SLC16A12: variants seen among roughly 807,000 people sequenced by gnomAD.
SLC16A12 encodes monocarboxylate transporter 12.
SLC16A12 carries 17 observed loss-of-function variants against 42.4 expected under a neutral mutation model. That is an observed-to-expected ratio of 0.40 (90% CI 0.27 to 0.60). The LOEUF (loss-of-function observed/expected upper bound fraction) is 0.60. Ranked by LOEUF, SLC16A12 falls within the 20% of genes least tolerant of loss-of-function variation. SLC16A12 has a pLI of 0.42. For synonymous variants in SLC16A12, 224 were observed against 229.4 expected, an observed-to-expected ratio of 0.98 and a Z score of 0.21; for missense variants, 544 against 623.0, an observed-to-expected ratio of 0.87 and a Z score of 1.35.
intron 2 of SLC16A12, among the ~76,000 whole-genome samples, chr10:89,493,741 A>C (rs1369319719): frequency 6.6e-6 from 1 of 152,212 alleles, no homozygotes; most frequent in African/African-American, 2.4e-5. Flanking sequence ...AGTGTTTTAC[A>C]GGCCTAAACA....
chr10:89,513,955 A>G (rs1013630916), intron 2 of SLC16A12, among the ~76,000 whole-genome samples: 5 of 152,238 alleles, frequency 3.3e-5, no homozygotes. Context: ...TGGACCTGTT[A>G]GATGAACTGG....
upstream of SLC16A12, among the ~76,000 whole-genome samples, chr10:89,537,136 C>T (rs1389672999): frequency 2.1e-5 from 3 of 143,332 alleles, no homozygotes; most frequent in South Asian, 6.8e-4. Flanking sequence ...AGCAAGGCAC[C>T]GTAGGTATGT....
chr10:89,479,583 T>C (rs541288329), intron 2 of SLC16A12, among the ~76,000 whole-genome samples: 5 of 152,334 alleles, frequency 3.3e-5, no homozygotes, highest in South Asian at 2.1e-4. Flanking sequence ...TACCTCTAAA[T>C]TGGCTTAGAA....
At chr10:89,519,915 C>T (rs1843324851) in intron 2 of SLC16A12, among the ~76,000 whole-genome samples, 1 of 151,926 alleles carries the variant, frequency 6.6e-6, no homozygotes, top group African/African-American at 2.4e-5. Flanking sequence ...GAGTTCAAGA[C>T]CAGCCTGGCC....
chr10:89,486,643 GAAAGAAAGAAAGAAAGAAAGA>G (rs1431567511), intron 2 of SLC16A12, among the ~76,000 whole-genome samples: 483 of 47,954 alleles, frequency 0.01, 5 homozygotes, highest in East Asian at 0.068. Context: ...AAGAAAGAAA[GAAAGAAAGAAAGAAAGAAAGA>G]AAAGAAAGAA....
intron 3 of SLC16A12, among the ~76,000 whole-genome samples, chr10:89,461,936 G>A (rs1439051185): frequency 6.6e-6 from 1 of 152,210 alleles, no homozygotes; most frequent in Non-Finnish European, 1.5e-5. Flanking sequence ...AAGAGTGGAA[G>A]ATGAAGAGTG....
chr10:89,529,004 T>C (rs1281325021), intron 2 of SLC16A12, among the ~76,000 whole-genome samples: 1 of 152,260 alleles, frequency 6.6e-6, no homozygotes, highest in Admixed American at 6.5e-5. Context: ...GCTACCCCTA[T>C]TCATAACTAT....
At chr10:89,440,736 C>G (rs1427118341) in intron 5 of SLC16A12, among the ~76,000 whole-genome samples, 5 of 152,130 alleles carry the variant, frequency 3.3e-5, no homozygotes, top group African/African-American at 1.2e-4. Flanking sequence ...AAAGCAGGAG[C>G]AACTCAGATT....
At chr10:89,537,949 G>A (rs1448623372), upstream of SLC16A12, among the ~76,000 whole-genome samples, 1 of 152,272 alleles carries the variant, frequency 6.6e-6, no homozygotes, top group African/African-American at 2.4e-5. Flanking sequence ...CATCCTTTAC[G>A]AGTTCAGTAA....
At chr10:89,471,278 A>C (rs376856262) in intron 2 of SLC16A12, among the ~76,000 whole-genome samples, 13 of 152,214 alleles carry the variant, frequency 8.5e-5, no homozygotes, top group African/African-American at 3.1e-4. Flanking sequence ...CAACCCTGGC[A>C]CCAGAATACC....
chr10:89,458,501 A>G (rs569842533), intron 3 of SLC16A12, among the ~76,000 whole-genome samples: 1 of 152,314 alleles, frequency 6.6e-6, no homozygotes, highest in East Asian at 1.9e-4. Flanking sequence ...AAGATTTGGC[A>G]TAAGCGCACC....
intron 2 of SLC16A12, among the ~76,000 whole-genome samples, chr10:89,492,175 A>C (rs757872549): frequency 1.2e-4 from 18 of 152,214 alleles, no homozygotes; most frequent in Admixed American, 2.6e-4. Flanking sequence ...ACAAAAGATC[A>C]ATTTCAATAT....
intron 2 of SLC16A12, among the ~76,000 whole-genome samples, chr10:89,551,529 T>A (rs1843771021): frequency 1.3e-5 from 2 of 152,226 alleles, no homozygotes; most frequent in African/African-American, 4.8e-5. Context: ...GAAACTTCCA[T>A]AAAGCTGATA....
intron 3 of SLC16A12, among the ~76,000 whole-genome samples, chr10:89,446,286 A>G (rs1228543978): frequency 6.6e-6 from 1 of 152,160 alleles, no homozygotes; most frequent in Non-Finnish European, 1.5e-5. Context: ...GAGAAGAGCA[A>G]CCCCAAGACA....
rs140748101 is a variant in SLC16A12, at chr10:89,501,512, C to G, written c.-47+32989G>C. Among the ~76,000 whole-genome samples, 346 of 152,268 alleles carry G rather than the reference C, an allele frequency of 2.3e-3. 1 individual carries two copies. Among genetic ancestry groups the G allele is most frequent in the African/African-American group, 7.8e-3 (326 of 41,550 alleles). Reference sequence around the variant, plus strand: ...ACCCAGAAATAAACTCAAATACTTACAGCCAACTGATCTTTGACAAAGCAA... The same window carrying G: ...ACCCAGAAATAAACTCAAATACTTAGAGCCAACTGATCTTTGACAAAGCAA... On this transcript the variant is annotated intron_variant, in intron 2 of 7. Transcript: ENST00000371790.
chr10:89,487,995 T>TATAC (rs770274570), intron 2 of SLC16A12, among the ~76,000 whole-genome samples: 6,661 of 121,986 alleles, frequency 0.055, 170 homozygotes, highest in East Asian at 0.17. Flanking sequence ...TATATATATA[T>TATAC]ACACACACAC....
chr10:89,504,751 G>A (rs570040710), intron 2 of SLC16A12, among the ~76,000 whole-genome samples: 100 of 152,296 alleles, frequency 6.6e-4, no homozygotes, highest in Non-Finnish European at 1.2e-3. Flanking sequence ...AACCAAGATG[G>A]GGGAGGAAGG....
chr10:89,433,952 G>A (rs149371025), intron 7 of SLC16A12, among the ~76,000 whole-genome samples: 1 of 152,104 alleles, frequency 6.6e-6, no homozygotes, highest in Non-Finnish European at 1.5e-5. Context: ...TGCAAAATAG[G>A]GTCCACAATG....
chr10:89,466,282 A>C (rs919959160), intron 2 of SLC16A12, among the ~76,000 whole-genome samples: 2 of 152,200 alleles, frequency 1.3e-5, no homozygotes, highest in Non-Finnish European at 2.9e-5. Flanking sequence ...AATTCAATAG[A>C]TATTTATTGA....
Sources: gnomAD v4.1 joint callset for allele counts (sites outside exome capture counted in the v4.1 genomes callset) on GRCh38, gnomAD v4.1.1 for gene constraint, MANE v1.5 for transcripts, NCBI Gene and HGNC (gene_info 2026-07-23, HGNC 2026-07-21) for gene names.